The following CPB2 variants were observed in gnomAD, a reference collection of about 807,000 sequenced individuals.
CPB2 encodes carboxypeptidase B2, also known as carboxypeptidase B-like protein.
CPB2 carries 54 observed loss-of-function variants against 57.0 expected under a neutral mutation model. The ratio of observed to expected loss-of-function variants is 0.95; its 90% CI spans 0.76 to 1.19. The LOEUF (loss-of-function observed/expected upper bound fraction) is 1.19, where lower values mean the gene tolerates loss of function less well. Among genes scored for constraint, CPB2 ranks in the 50% most tolerant of loss-of-function variants. The pLI is 0.00. For missense variants in CPB2, 426 were observed against 512.0 expected (o/e 0.83, Z 1.62); for synonymous variants, 189 against 178.1 (o/e 1.06, Z -0.49).
intron 6 of CPB2, among the ~76,000 whole-genome samples, chr13:46,068,315 A>G (rs903686461): frequency 1.6e-4 from 25 of 152,232 alleles, no homozygotes; most frequent in Non-Finnish European, 3.1e-4. Flanking sequence ...CAAGCCTTTT[A>G]TAAACTTTAC....
intron 6 of CPB2, among the ~76,000 whole-genome samples, chr13:46,068,755 T>C (rs2044894128): frequency 6.7e-6 from 1 of 148,382 alleles, no homozygotes; most frequent in Non-Finnish European, 1.5e-5. Context: ...TGTGTTCTCA[T>C]TGTTCAGCTC....
intron 7 of CPB2, among the ~76,000 whole-genome samples, chr13:46,065,378 G>A (rs2044837662): frequency 6.6e-6 from 1 of 152,256 alleles, no homozygotes. Flanking sequence ...TGTAATCCCA[G>A]CACTTTGGGA....
intron 1 of CPB2, among the ~76,000 whole-genome samples, chr13:46,096,825 C>T (rs184248861): frequency 3.9e-5 from 6 of 152,168 alleles, no homozygotes; most frequent in Admixed American, 2.6e-4. Flanking sequence ...TGGACTCACT[C>T]GGGTGACCGA....
chr13:46,081,337 A>T (rs1376663738), intron 4 of CPB2, among the ~76,000 whole-genome samples: 2 of 152,162 alleles, frequency 1.3e-5, no homozygotes, highest in African/African-American at 4.8e-5. Context: ...TCCCCACCAA[A>T]CTTATCACAG....
chr13:46,064,308 A>C (rs1350935872), intron 8 of CPB2, among the ~76,000 whole-genome samples: 3 of 152,142 alleles, frequency 2.0e-5, no homozygotes, highest in Non-Finnish European at 4.4e-5. Context: ...TGATATTCTA[A>C]TGATGAATGT....
chr13:46,099,129 A>G (rs953901099), intron 1 of CPB2: 1 of 152,216 alleles, frequency 6.6e-6, no homozygotes, highest in Non-Finnish European at 1.5e-5. Flanking sequence ...GAGATGGTAT[A>G]AGACTAACAT....
intron 1 of CPB2, 49 bp from the exon 2 acceptor site, chr13:46,087,869 A>G: frequency 7.9e-7 from 1 of 1,270,568 alleles, no homozygotes. Context: ...AAGAGTAAAG[A>G]TGGAATATAT....
At chr13:46,100,570 A>G (rs1345819412) in intron 1 of CPB2, 5 of 152,138 alleles carry the variant, frequency 3.3e-5, no homozygotes, top group African/African-American at 1.2e-4. Context: ...CCCTTACCTC[A>G]GCCTAGTAGG....
intron 6 of CPB2, among the ~76,000 whole-genome samples, chr13:46,072,366 T>G (rs1300104520): frequency 1.3e-5 from 2 of 152,162 alleles, no homozygotes; most frequent in East Asian, 3.9e-4. Context: ...TCCAGTGCTT[T>G]GAAGTACTAA....
chr13:46,058,842 A>T (rs1483537668), intron 8 of CPB2, among the ~76,000 whole-genome samples: 1 of 152,222 alleles, frequency 6.6e-6, no homozygotes, highest in Non-Finnish European at 1.5e-5. Flanking sequence ...AACTTGCTAA[A>T]GTGGTTTAGT....
Position 46,102,592 on chromosome 13 carries a change from G to GCTTTT in CPB2, c.74+2343_74+2344insAAAAG, listed in dbSNP as rs759144981. ...GCTTTAAGAAAAAGCCAGACTGTTA[G>GCTTTT]TTTTTTTTTTTTTTTTTAGAAGGGT... is the stretch of plus-strand genomic sequence containing the variant. On this transcript the variant is annotated intron_variant, in intron 1 of 10. Transcript: ENST00000181383. 8.9e-3 allele frequency among the ~76,000 whole-genome samples: 1,032 copies of GCTTTT among 116,270 alleles called. 18 individuals carry two copies. The highest frequency in any genetic ancestry group is 0.028 in the African/African-American group (898 of 31,520). The allele number at this position is 116,270 out of a possible 152,430, so 76.3% of individuals were successfully genotyped here.
At chr13:46,096,217 A>G (rs1306318926) in intron 1 of CPB2, 1 of 152,210 alleles carries the variant, frequency 6.6e-6, no homozygotes, top group African/African-American at 2.4e-5. Context: ...CTTTCTTAGA[A>G]CTGCACTACG....
Position 46,074,025 on chromosome 13 carries a change from C to T in CPB2, c.487-48G>A, listed in dbSNP as rs76814211. On this transcript the variant is annotated intron_variant, in intron 5 of 10. Coordinates refer to ENST00000181383, the MANE Select transcript of CPB2 (RefSeq NM_001872.5). ...TAGCAAAAACAGTAACAATAAGCTT[C>T]AGGATAATAACTTTCATTTATATAG... 8,861 of 1,121,254 alleles carry T rather than the reference C, an allele frequency of 7.9e-3. 69 individuals are homozygous for T. Among genetic ancestry groups the T allele is most frequent in the Non-Finnish European group, 7.6e-3 (5,719 of 752,382 alleles). The allele number at this position is 1,121,254 out of a possible 1,614,324, so 69.5% of individuals were successfully genotyped here.
chr13:46,070,345 A>G (rs1384759273), intron 6 of CPB2, among the ~76,000 whole-genome samples: 1 of 152,194 alleles, frequency 6.6e-6, no homozygotes, highest in African/African-American at 2.4e-5. Context: ...GGGTATATTG[A>G]GACATAACCC....
At chr13:46,081,314 T>C (rs723391) in intron 4 of CPB2, among the ~76,000 whole-genome samples, 55,351 of 151,998 alleles carry the variant, frequency 0.36, 10,304 homozygotes, top group African/African-American at 0.41. Flanking sequence ...CTTCTGTTTA[T>C]GGCATTCCCC....
At chr13:46,103,251 G>A (rs1237121692) in intron 1 of CPB2, among the ~76,000 whole-genome samples, 5 of 152,244 alleles carry the variant, frequency 3.3e-5, no homozygotes, top group Non-Finnish European at 7.3e-5. Flanking sequence ...ACAACCAGCT[G>A]AGGATAATTG....
At chr13:46,077,138 G>GA (rs1039529167) in intron 5 of CPB2, among the ~76,000 whole-genome samples, 20 of 151,616 alleles carry the variant, frequency 1.3e-4, no homozygotes, top group African/African-American at 3.9e-4. Flanking sequence ...AGCGTGAAAA[G>GA]AAAAAAATGG....
intron 8 of CPB2, among the ~76,000 whole-genome samples, chr13:46,059,168 A>G (rs7317455): frequency 0.016 from 2,413 of 152,370 alleles, 45 homozygotes; most frequent in Middle Eastern, 0.034. Flanking sequence ...GACAGTAAAA[A>G]TAGTAATACT....
intron 1 of CPB2, among the ~76,000 whole-genome samples, chr13:46,088,575 TG>T (rs1267576322): frequency 6.6e-6 from 1 of 152,256 alleles, no homozygotes; most frequent in Non-Finnish European, 1.5e-5. Context: ...CATAGGATAG[TG>T]TCATATCAGT....
Sources: gnomAD v4.1 joint callset for allele counts (sites outside exome capture counted in the v4.1 genomes callset) on GRCh38, gnomAD v4.1.1 for gene constraint, MANE v1.5 for transcripts, NCBI Gene and HGNC (gene_info 2026-07-23, HGNC 2026-07-21) for gene names.